Variants in PSMG2 observed in about 807,000 individuals in gnomAD.
The protein encoded by PSMG2 is proteasome assembly chaperone 2.
Under a neutral mutation model 31.5 loss-of-function variants are expected in PSMG2, and 21 were observed. That is an observed-to-expected ratio of 0.67 (90% CI 0.47 to 0.96). The LOEUF is 0.96. Among genes scored for constraint, PSMG2 ranks in the 40% least tolerant of loss-of-function variants. The probability of loss-of-function intolerance (pLI) is 0.00; values close to 1 mark genes in which losing one functional copy is unlikely to be tolerated. For missense variants in PSMG2, 318 were observed against 321.2 expected (o/e 0.99, Z 0.08); for synonymous variants, 120 against 110.4 (o/e 1.09, Z -0.54).
At chr18:12,678,108 C>T (rs1376919708) in intron 1 of PSMG2, 1 of 1,605,462 alleles carries the variant, frequency 6.2e-7, no homozygotes. Context: ...GTGTGAATTA[C>T]CTTCCTGTGT....
At chr18:12,710,737 GTGT>G (rs1427515084) in intron 2 of PSMG2, among the ~76,000 whole-genome samples, 8 of 152,158 alleles carry the variant, frequency 5.3e-5, no homozygotes, top group Non-Finnish European at 7.4e-5. Flanking sequence ...TACAGAAAAG[GTGT>G]TGTTGCTTTC....
intron 2 of PSMG2, among the ~76,000 whole-genome samples, 194 bp from the exon 3 acceptor site, chr18:12,712,508 A>G (rs948110978): frequency 2.6e-5 from 4 of 152,262 alleles, no homozygotes; most frequent in Non-Finnish European, 5.9e-5. Context: ...GTTCCATAGA[A>G]TAAAGCCCAC....
chr18:12,695,287 A>G (rs1347327996), intron 1 of PSMG2: 11 of 1,567,876 alleles, frequency 7.0e-6, no homozygotes, highest in African/African-American at 1.4e-5. Flanking sequence ...ATAACGTTTG[A>G]TTGAGTGGTG....
At chr18:12,698,113 T>A (rs1324163116), upstream of PSMG2, among the ~76,000 whole-genome samples, 1 of 151,770 alleles carries the variant, frequency 6.6e-6, no homozygotes, top group Admixed American at 6.6e-5. Flanking sequence ...AAAGAAAAAA[T>A]TAAAATGACA....
chr18:12,707,956 C>T (rs1379322636), intron 2 of PSMG2, among the ~76,000 whole-genome samples: 1 of 152,082 alleles, frequency 6.6e-6, no homozygotes, highest in African/African-American at 2.4e-5. Context: ...TGAGTTACTG[C>T]CTCAGAGGAT....
In PSMG2 at chr18:12,676,279, C is replaced by CTTTT. The variant is rs1157897766; in HGVS notation, c.-37+17525_-37+17528dup. Among the ~76,000 whole-genome samples, 31 of 106,412 alleles carry CTTTT rather than the reference C, an allele frequency of 2.9e-4. 1 individual carries two copies. Among genetic ancestry groups the CTTTT allele is most frequent in the East Asian group, 8.7e-4 (3 of 3,450 alleles). 69.8% of individuals were successfully genotyped at this position (106,412 alleles called of 152,430 possible). A position where few individuals can be genotyped will look rare whatever the true frequency, so the allele number is the denominator to read the frequency against. ...TTTCTTTTTCTGTAAACAGTAATTC[C>CTTTT]TTTTTTTTTTTTTTTTTTTTTTGAG... On this transcript the variant is annotated intron_variant, in intron 1 of 6. Coordinates refer to the PSMG2 transcript ENST00000585331.
chr18:12,665,706 A>AT (rs1051414189), intron 1 of PSMG2, among the ~76,000 whole-genome samples: 3 of 151,788 alleles, frequency 2.0e-5, no homozygotes, highest in African/African-American at 7.3e-5. Flanking sequence ...TTTTTTTTTA[A>AT]TTTTTTTTGA....
chr18:12,705,391 A>G (rs534715765), intron 1 of PSMG2, among the ~76,000 whole-genome samples: 5 of 152,156 alleles, frequency 3.3e-5, no homozygotes, highest in African/African-American at 1.2e-4. Context: ...AAATATGGGG[A>G]AAAATTTGGG....
intron 5 of PSMG2, among the ~76,000 whole-genome samples, chr18:12,723,589 A>G (rs937001780): frequency 2.6e-5 from 4 of 152,052 alleles, no homozygotes; most frequent in Admixed American, 6.6e-5. Context: ...ACGGGGTTTC[A>G]CCATGTTGGC....
chr18:12,673,045 GT>G (rs1942621143), intron 1 of PSMG2: 9 of 1,020,916 alleles, frequency 8.8e-6, no homozygotes, highest in Non-Finnish European at 1.1e-5. Flanking sequence ...TTGATTACCT[GT>G]TTGTGTAAAG....
At chr18:12,708,574 G>C (rs2040293198) in intron 2 of PSMG2, among the ~76,000 whole-genome samples, 2 of 151,808 alleles carry the variant, frequency 1.3e-5, no homozygotes, top group South Asian at 4.2e-4. Context: ...ATGTTGGTCA[G>C]GCTGGTCTTG....
chr18:12,696,214 C>T (rs952114239), intron 1 of PSMG2, among the ~76,000 whole-genome samples: 1 of 152,062 alleles, frequency 6.6e-6, no homozygotes, highest in African/African-American at 2.4e-5. Context: ...TTATTAAAAT[C>T]TAAATTACTG....
chr18:12,673,750 G>A (rs1001396261), intron 1 of PSMG2, among the ~76,000 whole-genome samples: 15 of 152,116 alleles, frequency 9.9e-5, no homozygotes, highest in African/African-American at 3.6e-4. Context: ...GTGTGGTGGC[G>A]GGCGTCTGTA....
intron 5 of PSMG2, among the ~76,000 whole-genome samples, chr18:12,722,805 G>A (rs2040442506): frequency 6.6e-6 from 1 of 152,204 alleles, no homozygotes; most frequent in African/African-American, 2.4e-5. Context: ...CACACTGTGT[G>A]ACAAACTAAT....
At chr18:12,697,212 A>C in intron 1 of PSMG2, 1 of 1,574,564 alleles carries the variant, frequency 6.4e-7, no homozygotes, top group Non-Finnish European at 8.6e-7. Flanking sequence ...ATGATATATT[A>C]ATCACCATAC....
intron 6 of PSMG2, among the ~76,000 whole-genome samples, chr18:12,725,168 A>AT (rs966104111): frequency 2.8e-4 from 42 of 150,730 alleles, no homozygotes; most frequent in East Asian, 7.8e-4. Flanking sequence ...CATAATGCTG[A>AT]TTTTTTTTTT....
At chr18:12,669,807 C>T (rs1016996465) in intron 1 of PSMG2, among the ~76,000 whole-genome samples, 1 of 151,842 alleles carries the variant, frequency 6.6e-6, no homozygotes, top group African/African-American at 2.4e-5. Context: ...TTGAGACCCT[C>T]CTGACCAACA....
chr18:12,686,357 CA>C, intron 1 of PSMG2: 1 of 1,614,112 alleles, frequency 6.2e-7, no homozygotes, highest in Non-Finnish European at 8.5e-7. Flanking sequence ...AGGACATTAA[CA>C]AATCTTGCTG....
At chr18:12,715,925 C>T (rs12968771) in intron 3 of PSMG2, among the ~76,000 whole-genome samples, 51,476 of 151,990 alleles carry the variant, frequency 0.34, 10,090 homozygotes, top group Non-Finnish European at 0.45. Context: ...CAGATCAAGA[C>T]ATAGAGCATT....
Sources: allele counts gnomAD v4.1 joint callset (sites outside exome capture counted in the v4.1 genomes callset), GRCh38; gene constraint gnomAD v4.1.1; transcripts MANE v1.5; gene names NCBI Gene and HGNC (gene_info 2026-07-23, HGNC 2026-07-21).